Variants in CDK5RAP1 observed in about 807,000 individuals in gnomAD.
CDK5RAP1 encodes mitochondrial tRNA methylthiotransferase CDK5RAP1.
CDK5RAP1 carries 62 observed loss-of-function variants against 64.5 expected under a neutral mutation model. The observed-to-expected ratio is 0.96, with a 90% CI of 0.78 to 1.19. The LOEUF (loss-of-function observed/expected upper bound fraction) is 1.19, where lower values mean the gene tolerates loss of function less well. Ranked by LOEUF, CDK5RAP1 falls within the 50% of genes most tolerant of loss-of-function variation. The pLI is 0.00. For synonymous variants in CDK5RAP1, 250 were observed against 261.9 expected, an observed-to-expected ratio of 0.95 and a Z score of 0.44; for missense variants, 657 against 735.0, an observed-to-expected ratio of 0.89 and a Z score of 1.23.
chr20:33,361,067 T>C (rs1289446429), intron 12 of CDK5RAP1, among the ~76,000 whole-genome samples: 1 of 152,188 alleles, frequency 6.6e-6, no homozygotes, highest in Non-Finnish European at 1.5e-5. Context: ...TTATAAATAA[T>C]AACCAGCAAA....
intron 12 of CDK5RAP1, among the ~76,000 whole-genome samples, chr20:33,366,211 C>A (rs1160970193): frequency 6.7e-6 from 1 of 150,090 alleles, no homozygotes; most frequent in Non-Finnish European, 1.5e-5. Flanking sequence ...CCCAGCTACT[C>A]TGGAGGCTGA....
At chr20:33,380,778 C>T (rs976917960) in intron 7 of CDK5RAP1, among the ~76,000 whole-genome samples, 1 of 152,018 alleles carries the variant, frequency 6.6e-6, no homozygotes, top group Non-Finnish European at 1.5e-5. Flanking sequence ...CCAAGGTGGG[C>T]GGATCACACG....
At chr20:33,391,606 G>A (rs542524795) in intron 5 of CDK5RAP1, among the ~76,000 whole-genome samples, 14 of 152,212 alleles carry the variant, frequency 9.2e-5, no homozygotes, top group Middle Eastern at 3.4e-3. Flanking sequence ...CGGATCACCC[G>A]AGGTCAGGAG....
At chr20:33,372,408 T>C (rs1189423483) in intron 10 of CDK5RAP1, among the ~76,000 whole-genome samples, 1 of 151,730 alleles carries the variant, frequency 6.6e-6, no homozygotes, top group African/African-American at 2.4e-5. Flanking sequence ...GGAATCTCTA[T>C]AGCCTTGAGG....
chr20:33,359,184 G>T, intron 13 of CDK5RAP1, 61 bp from the exon 14 acceptor site: 1 of 1,262,666 alleles, frequency 7.9e-7, no homozygotes, highest in Non-Finnish European at 1.2e-6. Context: ...GGGACTTCAT[G>T]TGGAGCCTCT....
chr20:33,392,080 G>T, intron 5 of CDK5RAP1, 62 bp downstream of exon 5: 1 of 1,008,378 alleles, frequency 9.9e-7, no homozygotes, highest in Non-Finnish European at 1.5e-6. Flanking sequence ...GGAAACACTA[G>T]CAAATAAAGC....
At chr20:33,368,645 G>A (rs910919814) in intron 11 of CDK5RAP1, among the ~76,000 whole-genome samples, 2 of 151,876 alleles carry the variant, frequency 1.3e-5, no homozygotes, top group African/African-American at 4.8e-5. Context: ...GGCCAAGGTG[G>A]TGGATCACCT....
chr20:33,379,527 G>A lies in CDK5RAP1; in HGVS notation c.1041C>T (p.Val347=). The A allele has an allele frequency of 1.2e-6, 2 of 1,614,112 alleles. No homozygotes were observed. Among genetic ancestry groups the A allele is most frequent in the Non-Finnish European group, 1.7e-6 (2 of 1,179,990 alleles). Residue 347 remains valine (V), a synonymous_variant, in exon 8 of 14, where the codon GTC becomes GTT. Coordinates refer to ENST00000346416, the MANE Select transcript of CDK5RAP1 (RefSeq NM_016408.4). The part of the protein sequence containing the change: ...GLRFAHLLDQ[V]SRVDPEMRIR... The stretch of plus-strand genomic sequence containing the variant: ...TCCTCATTTCAGGATCTACTCTGGA[G>A]ACCTGATCCAGAAGATGAGCAAAAC...
chr20:33,389,473 GC>G (rs1230787472), intron 5 of CDK5RAP1, among the ~76,000 whole-genome samples: 1 of 151,712 alleles, frequency 6.6e-6, no homozygotes, highest in African/African-American at 2.4e-5. Flanking sequence ...CCCAGCAGCC[GC>G]CCCGTCCGGG....
At chr20:33,362,721 A>C (rs138316574) in intron 12 of CDK5RAP1, among the ~76,000 whole-genome samples, 386 of 152,368 alleles carry the variant, frequency 2.5e-3, no homozygotes, top group Middle Eastern at 6.8e-3. Context: ...GAAGTATATC[A>C]TTACAAGAAT....
chr20:33,395,621 C>T (rs756712608), intron 2 of CDK5RAP1, among the ~76,000 whole-genome samples: 4 of 152,072 alleles, frequency 2.6e-5, no homozygotes, highest in Non-Finnish European at 4.4e-5. Context: ...AAATATACCA[C>T]ATTATATATC....
At chr20:33,370,421 T>C in intron 11 of CDK5RAP1, 78 bp downstream of exon 11, 1 of 1,508,120 alleles carries the variant, frequency 6.6e-7, no homozygotes. Context: ...GCCACTCTCT[T>C]TTCTGCCCTG....
intron 4 of CDK5RAP1, among the ~76,000 whole-genome samples, chr20:33,393,122 C>G (rs1988509515): frequency 1.3e-5 from 2 of 152,082 alleles, no homozygotes; most frequent in African/African-American, 4.8e-5. Context: ...TCATGATATG[C>G]CCACTCTGGC....
At chr20:33,360,001 C>A in intron 13 of CDK5RAP1, 1 of 211,650 alleles carries the variant, frequency 4.7e-6, no homozygotes, top group South Asian at 9.5e-5. Context: ...CCTGAGCCGT[C>A]AGAGATCACA....
intron 1 of CDK5RAP1, 63 bp downstream of exon 1, chr20:33,401,365 C>G (rs1989399140): frequency 1.0e-6 from 1 of 982,240 alleles, no homozygotes; most frequent in Non-Finnish European, 1.2e-6. Flanking sequence ...TCCGCGGCCC[C>G]TCCTGCCCCA....
chr20:33,374,568 T>C (rs1042753138), intron 8 of CDK5RAP1, among the ~76,000 whole-genome samples: 8 of 137,032 alleles, frequency 5.8e-5, no homozygotes, highest in African/African-American at 2.3e-4. Flanking sequence ...TCACTTTCTA[T>C]TTTTTTTTTT....
At chr20:33,392,320 A>G in intron 4 of CDK5RAP1, 78 bp from the exon 5 acceptor site, 1 of 809,464 alleles carries the variant, frequency 1.2e-6, no homozygotes, top group South Asian at 2.1e-5. Flanking sequence ...AGTGGGAAGA[A>G]AATAAAAACC....
At chr20:33,360,545 G>T (rs1011178374) in intron 12 of CDK5RAP1, 54 bp from the exon 13 acceptor site, 23 of 1,545,334 alleles carry the variant, frequency 1.5e-5, no homozygotes, top group Non-Finnish European at 1.9e-5. Context: ...TAAGTTCTTG[G>T]AGGGTAGAAA....
chr20:33,387,455 T>C lies in CDK5RAP1; in HGVS notation c.623A>G (p.Tyr208Cys), dbSNP rs1987591151. Residue 208 changes from tyrosine (Y) to cysteine (C), a missense_variant, in exon 6 of 14, where the codon TAC (tyrosine) becomes TGC (cysteine). Coordinates refer to ENST00000346416, the MANE Select transcript of CDK5RAP1 (RefSeq NM_016408.4). ...MVDILAGPDA[Y>C]RDLPRLLAVA... ...AGCCAGCAGCCGGGGAAGGTCCCGG[T>C]AGGCATCAGGACCAGCCAAAATATC... 10 of 1,613,968 alleles carry C rather than the reference T, an allele frequency of 6.2e-6. No individual in the cohort carries two copies. The highest frequency in any genetic ancestry group is 2.7e-5 in the African/African-American group (2 of 74,890).
Sources: allele counts gnomAD v4.1 joint callset (sites outside exome capture counted in the v4.1 genomes callset), GRCh38; gene constraint gnomAD v4.1.1; transcripts MANE v1.5; gene names NCBI Gene and HGNC (gene_info 2026-07-23, HGNC 2026-07-21).